Variants in RHOJ observed in about 807,000 individuals in gnomAD.
The protein encoded by RHOJ is ras homolog family member J.
A neutral mutation model predicts 23.4 loss-of-function variants in RHOJ; 11 were observed. That is an observed-to-expected ratio of 0.47 (90% CI 0.30 to 0.78). The LOEUF is 0.78. Among genes scored for constraint, RHOJ ranks in the 30% least tolerant of loss-of-function variants. The probability of loss-of-function intolerance (pLI) is 0.08; values close to 1 mark genes in which losing one functional copy is unlikely to be tolerated. For synonymous variants in RHOJ, 102 were observed against 102.7 expected, an observed-to-expected ratio of 0.99 and a Z score of 0.04; for missense variants, 254 against 273.4, an observed-to-expected ratio of 0.93 and a Z score of 0.50.
At chr14:63,227,597 G>C (rs1415821461) in intron 1 of RHOJ, among the ~76,000 whole-genome samples, 2 of 152,158 alleles carry the variant, frequency 1.3e-5, no homozygotes, top group African/African-American at 4.8e-5. Context: ...CATTAAAACA[G>C]ATTATAAAAT....
intron 1 of RHOJ, among the ~76,000 whole-genome samples, chr14:63,231,601 C>T (rs547230748): frequency 5.9e-5 from 9 of 152,256 alleles, no homozygotes; most frequent in Non-Finnish European, 8.8e-5. Flanking sequence ...ACACTCAGCT[C>T]GGTATTGCAG....
At chr14:63,230,243 T>C (rs1427397213) in intron 1 of RHOJ, among the ~76,000 whole-genome samples, 2 of 151,844 alleles carry the variant, frequency 1.3e-5, no homozygotes, top group East Asian at 1.9e-4. Flanking sequence ...GACCAAGATA[T>C]AGAAGGAAAT....
In RHOJ at chr14:63,291,467, G is replaced by C. The variant is rs533608081; in HGVS notation, c.*443G>C. On this transcript the variant is annotated 3_prime_UTR_variant, in exon 5 of 5. Transcript: ENST00000316754. ...ACTAACCTTTTTTTCTGAATCTGCT[G>C]TTCTACCCATGTGTCTCACATTCAT... 13 of 227,198 alleles carry C rather than the reference G, an allele frequency of 5.7e-5. No homozygotes were observed. In the South Asian group the frequency reaches 7.0e-4, roughly 12 times the overall value. 14.1% of individuals were successfully genotyped at this position (227,198 alleles called of 1,614,324 possible).
At chr14:63,207,176 C>T (rs570587477) in intron 1 of RHOJ, among the ~76,000 whole-genome samples, 3 of 152,070 alleles carry the variant, frequency 2.0e-5, no homozygotes, top group South Asian at 2.1e-4. Flanking sequence ...GGACTACAGG[C>T]GCACGCAACC....
At chr14:63,246,451 T>C (rs1265265427) in intron 1 of RHOJ, among the ~76,000 whole-genome samples, 1 of 152,180 alleles carries the variant, frequency 6.6e-6, no homozygotes, top group Admixed American at 6.5e-5. Context: ...CCAGACAAAC[T>C]GGTGTTCTAT....
intron 1 of RHOJ, among the ~76,000 whole-genome samples, chr14:63,261,008 A>T (rs1017531528): frequency 3.3e-5 from 5 of 152,228 alleles, no homozygotes; most frequent in Admixed American, 3.3e-4. Context: ...GCTTTGATCT[A>T]TATTGCCAAA....
rs1420934633 is a variant in RHOJ, at chr14:63,227,655, C to G, written c.178+22608C>G. 3.3e-5 allele frequency among the ~76,000 whole-genome samples: 5 copies of G among 152,094 alleles called. No homozygotes were observed. In the East Asian group the frequency reaches 9.6e-4, roughly 29 times the overall value. On this transcript the variant is annotated intron_variant, in intron 1 of 4. Coordinates refer to ENST00000316754, the MANE Select transcript of RHOJ (RefSeq NM_020663.5). ...CTGACAAATAAATGTACCGACCATC[C>G]AAAACAGTACTTTATAGAAAGTCAA...
At chr14:63,231,564 A>T (rs1894696135) in intron 1 of RHOJ, among the ~76,000 whole-genome samples, 1 of 152,188 alleles carries the variant, frequency 6.6e-6, no homozygotes, top group Non-Finnish European at 1.5e-5. Flanking sequence ...AAAAGATGTG[A>T]TTTTAAACCA....
At chr14:63,249,191 C>T (rs1053082486) in intron 1 of RHOJ, among the ~76,000 whole-genome samples, 1 of 152,196 alleles carries the variant, frequency 6.6e-6, no homozygotes, top group African/African-American at 2.4e-5. Context: ...CCACTGAAGT[C>T]CCTGTCCTTA....
intron 1 of RHOJ, among the ~76,000 whole-genome samples, chr14:63,208,007 G>C (rs1894151556): frequency 6.6e-6 from 1 of 152,228 alleles, no homozygotes; most frequent in Middle Eastern, 3.4e-3. Context: ...AATTACAAGA[G>C]TATCCTTTAG....
At chr14:63,250,752 G>A (rs184183201) in intron 1 of RHOJ, among the ~76,000 whole-genome samples, 1 of 152,260 alleles carries the variant, frequency 6.6e-6, no homozygotes, top group Non-Finnish European at 1.5e-5. Context: ...AGCCTCTAGA[G>A]GCTGGGTGCG....
chr14:63,212,194 G>C (rs61996641), intron 1 of RHOJ, among the ~76,000 whole-genome samples: 2 of 152,140 alleles, frequency 1.3e-5, no homozygotes, highest in Non-Finnish European at 2.9e-5. Flanking sequence ...GCCTGGAAGT[G>C]ACAAACATCG....
intron 1 of RHOJ, among the ~76,000 whole-genome samples, chr14:63,206,236 A>C (rs1016849167): frequency 6.6e-6 from 1 of 152,228 alleles, no homozygotes; most frequent in African/African-American, 2.4e-5. Context: ...ACCACAGTGA[A>C]TACAGTATCC....
intron 1 of RHOJ, among the ~76,000 whole-genome samples, chr14:63,238,623 T>C (rs1894831248): frequency 6.6e-6 from 1 of 152,144 alleles, no homozygotes; most frequent in Non-Finnish European, 1.5e-5. Flanking sequence ...GGTCTCACTT[T>C]GTTGCCCAGG....
intron 1 of RHOJ, among the ~76,000 whole-genome samples, chr14:63,260,044 A>T (rs1895246341): frequency 6.6e-6 from 1 of 152,248 alleles, no homozygotes. Flanking sequence ...TATTGAGAGC[A>T]GAAACACACA....
chr14:63,222,077 G>A (rs1894507102), intron 1 of RHOJ, among the ~76,000 whole-genome samples: 1 of 149,458 alleles, frequency 6.7e-6, no homozygotes, highest in African/African-American at 2.5e-5. Context: ...TGCGGTGTTT[G>A]GTTTTTTTGT....
intron 1 of RHOJ, among the ~76,000 whole-genome samples, chr14:63,216,184 A>C (rs1894352552): frequency 6.6e-6 from 1 of 152,220 alleles, no homozygotes; most frequent in Non-Finnish European, 1.5e-5. Context: ...TGAGTGATTT[A>C]GCTAGGCATA....
At chr14:63,259,179 C>A (rs1895231203) in intron 1 of RHOJ, among the ~76,000 whole-genome samples, 1 of 152,170 alleles carries the variant, frequency 6.6e-6, no homozygotes, top group African/African-American at 2.4e-5. Context: ...ACCTCATGAT[C>A]CACCCTCCTC....
intron 1 of RHOJ, among the ~76,000 whole-genome samples, chr14:63,257,436 A>G (rs1309731721): frequency 3.3e-5 from 5 of 149,630 alleles, no homozygotes; most frequent in African/African-American, 4.9e-5. Flanking sequence ...ATAGGTCAAG[A>G]CTGATGGAAG....
Sources: gnomAD v4.1 joint callset for allele counts (sites outside exome capture counted in the v4.1 genomes callset) on GRCh38, gnomAD v4.1.1 for gene constraint, MANE v1.5 for transcripts, NCBI Gene and HGNC (gene_info 2026-07-23, HGNC 2026-07-21) for gene names.